SH3BGRL: variants seen among roughly 807,000 people sequenced by gnomAD.
SH3BGRL encodes the protein SH3 domain binding glutamate rich protein like.
A neutral mutation model predicts 9.8 loss-of-function variants in SH3BGRL; 7 were observed. The observed-to-expected ratio is 0.72, with a 90% CI of 0.41 to 1.35. The LOEUF (loss-of-function observed/expected upper bound fraction) is 1.35. Among genes scored for constraint, SH3BGRL ranks in the 40% most tolerant of loss-of-function variants. SH3BGRL has a pLI of 0.01. For missense variants in SH3BGRL, 73 were observed against 84.4 expected (o/e 0.86, Z 0.53); for synonymous variants, 36 against 29.1 (o/e 1.24, Z -0.76).
intron 1 of SH3BGRL, among the ~76,000 whole-genome samples, chrX:81,254,922 C>T (rs2075721043): frequency 9.9e-6 from 1 of 100,798 alleles, no homozygotes; most frequent in Non-Finnish European, 2.0e-5. Flanking sequence ...TATGGAGTCT[C>T]GCTCTGTTGC....
At chrX:81,221,504 T>C (rs2075600048) in intron 1 of SH3BGRL, among the ~76,000 whole-genome samples, 1 of 111,934 alleles carries the variant, frequency 8.9e-6, no homozygotes, top group South Asian at 3.7e-4. Flanking sequence ...CAGATTACTA[T>C]ATAAGTAAAG....
chrX:81,291,550 C>T (rs1432555275), intron 3 of SH3BGRL, among the ~76,000 whole-genome samples: 2 of 111,601 alleles, frequency 1.8e-5, no homozygotes, highest in African/African-American at 6.5e-5. Context: ...ATCATTATGC[C>T]TCTGGCCCCT....
intron 3 of SH3BGRL, among the ~76,000 whole-genome samples, chrX:81,281,820 A>G (rs1397046502): frequency 8.9e-6 from 1 of 112,446 alleles, no homozygotes; most frequent in Non-Finnish European, 1.9e-5. Context: ...CAATGAATGC[A>G]ATGGTACCTC....
intron 1 of SH3BGRL, among the ~76,000 whole-genome samples, chrX:81,234,909 T>C (rs1484846290): frequency 2.7e-5 from 3 of 112,100 alleles, no homozygotes; most frequent in Non-Finnish European, 5.6e-5. Context: ...ATGAGACATC[T>C]GGGTTTCCAT....
At chrX:81,249,551 G>A (rs1429798722) in intron 1 of SH3BGRL, among the ~76,000 whole-genome samples, 2 of 112,023 alleles carry the variant, frequency 1.8e-5, no homozygotes, top group Non-Finnish European at 3.8e-5. Flanking sequence ...TGTGAACCTT[G>A]CAATTAAGCA....
rs373008737 is a variant in SH3BGRL at position 81,277,071 on chromosome X, A to C, written c.133A>C (p.Asn45His). 2.5e-6 allele frequency: 3 copies of C among 1,207,582 alleles called. No individual in the cohort carries two copies. The highest frequency in any genetic ancestry group is 3.4e-6 in the Non-Finnish European group (3 of 892,975). The change falls in exon 2 of 4, where the codon AAT becomes CAT. Residue 45 changes from asparagine to histidine, a missense_variant. Transcript: ENST00000373212. ...EEKDIAANEE[N>H]RKWMRENVPE... ...AAAAGATATTGCAGCCAATGAAGAG[A>C]ATCGGAAGTGGATGAGAGAAAATGT... is the stretch of plus-strand genomic sequence containing the variant.
chrX:81,286,517 AAAAAAAAGAG>A (rs1247136871), intron 3 of SH3BGRL, among the ~76,000 whole-genome samples: 48 of 107,045 alleles, frequency 4.5e-4, no homozygotes, highest in African/African-American at 1.5e-3. Context: ...AAAAAAAAAA[AAAAAAAAGAG>A]AGGGGAAAAG....
At chrX:81,226,582 CTATT>C (rs1382714721) in intron 1 of SH3BGRL, among the ~76,000 whole-genome samples, 2 of 101,461 alleles carry the variant, frequency 2.0e-5, no homozygotes, top group Admixed American at 1.1e-4. Context: ...TATATTTTAT[CTATT>C]TATTTTATGT....
intron 1 of SH3BGRL, among the ~76,000 whole-genome samples, chrX:81,257,335 G>A (rs2075728352): frequency 8.9e-6 from 1 of 112,228 alleles, no homozygotes; most frequent in African/African-American, 3.2e-5. Context: ...TCAAATGCAA[G>A]TCAGTCAGGT....
At chrX:81,263,737 C>T (rs773514006) in intron 1 of SH3BGRL, among the ~76,000 whole-genome samples, 9 of 110,216 alleles carry the variant, frequency 8.2e-5, no homozygotes, top group East Asian at 2.8e-4. Flanking sequence ...TTAAAAAGTT[C>T]GTTGGGCATT....
chrX:81,252,298 T>A (rs899275872), intron 1 of SH3BGRL, among the ~76,000 whole-genome samples: 1 of 111,926 alleles, frequency 8.9e-6, no homozygotes, highest in African/African-American at 3.2e-5. Context: ...TTGCTGTCAG[T>A]TATACCTGTT....
chrX:81,217,342 A>G (rs1054836963), intron 1 of SH3BGRL, among the ~76,000 whole-genome samples: 1 of 107,928 alleles, frequency 9.3e-6, no homozygotes, highest in Admixed American at 1.0e-4. Flanking sequence ...TAGTTCCATT[A>G]GGTGTGAGCT....
At chrX:81,202,894 C>T (rs1217802768) in intron 1 of SH3BGRL, among the ~76,000 whole-genome samples, 1 of 110,874 alleles carries the variant, frequency 9.0e-6, no homozygotes, top group Non-Finnish European at 1.9e-5. Context: ...CCATATTGTC[C>T]CTTATTTTGA....
intron 1 of SH3BGRL, among the ~76,000 whole-genome samples, chrX:81,238,862 G>A (rs990481524): frequency 7.3e-5 from 8 of 108,916 alleles, no homozygotes; most frequent in African/African-American, 2.7e-4. Flanking sequence ...AGAAGGTAAG[G>A]GAAGAGAACA....
chrX:81,236,876 ACGGAGGGAGAGAGAGAGG>A, intron 1 of SH3BGRL, among the ~76,000 whole-genome samples: 1 of 103,669 alleles, frequency 9.6e-6, no homozygotes, highest in East Asian at 3.4e-4. Context: ...TGAGGGAAGG[ACGGAGGGAGAGAGAGAGG>A]CTGAGGGAGA....
At chrX:81,260,874 C>A (rs967688696) in intron 1 of SH3BGRL, among the ~76,000 whole-genome samples, 2 of 110,807 alleles carry the variant, frequency 1.8e-5, no homozygotes, top group African/African-American at 6.6e-5. Flanking sequence ...AACACTGATC[C>A]TTCCCTAGAA....
intron 1 of SH3BGRL, among the ~76,000 whole-genome samples, chrX:81,217,671 CAT>C (rs1385980404): frequency 5.4e-5 from 6 of 111,265 alleles, no homozygotes; most frequent in African/African-American, 1.3e-4. Context: ...TGTGGCCTAT[CAT>C]ATGATCTATC....
intron 3 of SH3BGRL, among the ~76,000 whole-genome samples, chrX:81,295,259 T>C (rs1602634278): frequency 8.9e-6 from 1 of 111,971 alleles, no homozygotes; most frequent in East Asian, 2.8e-4. Context: ...AAATCTCATC[T>C]TGAGTTTTAT....
At chrX:81,244,653 A>T (rs1485129214) in intron 1 of SH3BGRL, among the ~76,000 whole-genome samples, 3 of 111,549 alleles carry the variant, frequency 2.7e-5, no homozygotes, top group Non-Finnish European at 5.6e-5. Flanking sequence ...TTTTAATTTA[A>T]TTTTCTTATT....
Sources: gnomAD v4.1 joint callset for allele counts (sites outside exome capture counted in the v4.1 genomes callset) on GRCh38, gnomAD v4.1.1 for gene constraint, MANE v1.5 for transcripts, NCBI Gene and HGNC (gene_info 2026-07-23, HGNC 2026-07-21) for gene names.